Variants in PRR5L observed in about 807,000 individuals in gnomAD.
PRR5L encodes proline-rich protein 5-like.
Under a neutral mutation model 36.4 loss-of-function variants are expected in PRR5L, and 21 were observed. The ratio of observed to expected loss-of-function variants is 0.58; its 90% CI spans 0.41 to 0.83. The LOEUF is 0.83. Among genes scored for constraint, PRR5L ranks in the 40% least tolerant of loss-of-function variants. The pLI, the probability that PRR5L is intolerant of heterozygous loss-of-function variation, is 0.00. For missense variants in PRR5L, 381 were observed against 473.3 expected (o/e 0.80, Z 1.81); for synonymous variants, 188 against 197.0 (o/e 0.95, Z 0.38).
At chr11:36,435,616 G>C (rs1858589198) in intron 5 of PRR5L, among the ~76,000 whole-genome samples, 1 of 152,204 alleles carries the variant, frequency 6.6e-6, no homozygotes, top group South Asian at 2.1e-4. Flanking sequence ...GGGATGATTA[G>C]AGCCCAAAGG....
At chr11:36,305,950 T>C (rs1042858379) in intron 1 of PRR5L, among the ~76,000 whole-genome samples, 5 of 152,238 alleles carry the variant, frequency 3.3e-5, no homozygotes, top group African/African-American at 1.2e-4. Flanking sequence ...GAGGACTGAC[T>C]GAATTACATA....
At chr11:36,421,461 C>G (rs1433764083) in intron 4 of PRR5L, among the ~76,000 whole-genome samples, 1 of 152,144 alleles carries the variant, frequency 6.6e-6, no homozygotes, top group East Asian at 1.9e-4. Context: ...GGGGCGAGAA[C>G]TAGTTTTCAC....
chr11:36,397,443 C>CTTT (rs34024197), intron 1 of PRR5L, among the ~76,000 whole-genome samples: 1,009 of 35,152 alleles, frequency 0.029, 244 homozygotes, highest in African/African-American at 0.081. Flanking sequence ...CAGCCGATGC[C>CTTT]TTTTTTTTTT....
At position 36,462,538 on chromosome 11, in the gene PRR5L, C is replaced by T; in HGVS notation, c.909C>T (p.Ala303=). Residue 303 remains alanine, a synonymous_variant, in exon 9 of 9, where the codon GCC becomes GCT. Coordinates refer to ENST00000530639, the MANE Select transcript of PRR5L (RefSeq NM_001160167.2). ...CCCACTCGGACATCCAGCTGCTGGC[C>T]ATGGCCACCATGATGCACTCGGGCC... ...ANAHSDIQLL[A]MATMMHSGLG... is the part of the protein sequence containing the mutation. 1 of 1,609,334 alleles carries T rather than the reference C, an allele frequency of 6.2e-7. No homozygotes were observed. The highest frequency in any genetic ancestry group is 8.5e-7 in the Non-Finnish European group (1 of 1,177,438).
intron 8 of PRR5L, among the ~76,000 whole-genome samples, chr11:36,459,814 C>T (rs567559966): frequency 6.6e-6 from 1 of 152,302 alleles, no homozygotes; most frequent in African/African-American, 2.4e-5. Flanking sequence ...TAGGTGTACA[C>T]ACGGGAATAA....
intron 1 of PRR5L, among the ~76,000 whole-genome samples, chr11:36,297,771 T>C (rs972908629): frequency 6.6e-6 from 1 of 152,104 alleles, no homozygotes; most frequent in Admixed American, 6.5e-5. Context: ...AGTGGAGACT[T>C]TTCTCCCTCC....
At chr11:36,397,933 T>C (rs1234774799) in intron 1 of PRR5L, among the ~76,000 whole-genome samples, 1 of 151,902 alleles carries the variant, frequency 6.6e-6, no homozygotes, top group African/African-American at 2.4e-5. Flanking sequence ...GTCGCCGGGA[T>C]TAAAGGCATG....
chr11:36,363,632 G>C (rs1386680110), intron 1 of PRR5L, among the ~76,000 whole-genome samples: 1 of 152,198 alleles, frequency 6.6e-6, no homozygotes, highest in Non-Finnish European at 1.5e-5. Context: ...CCAGCTCCTA[G>C]ACCAGCAGAA....
intron 1 of PRR5L, among the ~76,000 whole-genome samples, chr11:36,306,058 T>C (rs1856428074): frequency 6.6e-6 from 1 of 152,136 alleles, no homozygotes; most frequent in Admixed American, 6.5e-5. Flanking sequence ...CATTCTTTTT[T>C]ATGGCTGAAT....
chr11:36,412,792 G>A (rs1247913651), intron 3 of PRR5L, among the ~76,000 whole-genome samples: 1 of 152,090 alleles, frequency 6.6e-6, no homozygotes, highest in African/African-American at 2.4e-5. Flanking sequence ...TAAGAGAGTG[G>A]CCCAGATCAC....
intron 5 of PRR5L, among the ~76,000 whole-genome samples, chr11:36,436,945 G>A (rs1174082123): frequency 6.6e-6 from 1 of 152,164 alleles, no homozygotes; most frequent in Non-Finnish European, 1.5e-5. Flanking sequence ...ATTGGAGGAT[G>A]GAAAGGCATA....
intron 3 of PRR5L, among the ~76,000 whole-genome samples, chr11:36,410,962 A>G (rs1161532791): frequency 6.6e-6 from 1 of 152,196 alleles, no homozygotes; most frequent in African/African-American, 2.4e-5. Context: ...GGATCTCACC[A>G]AAGGGCCAGG....
chr11:36,350,908 ATATATATATATT>A (rs1856924312), intron 1 of PRR5L, among the ~76,000 whole-genome samples: 1 of 110,118 alleles, frequency 9.1e-6, no homozygotes, highest in East Asian at 2.3e-4. Context: ...CATGGTAAAT[ATATATATATATT>A]TATATATATT....
chr11:36,378,686 A>T lies in PRR5L; in HGVS notation c.-125-22311A>T, dbSNP rs1447525062. Reference sequence around the variant, plus strand: ...AATGTTCTGTCTTAGAACATTACAAATATGTGCCACTTGTTTTAAAAAGGG... The same window carrying T: ...AATGTTCTGTCTTAGAACATTACAATTATGTGCCACTTGTTTTAAAAAGGG... On this transcript the variant is annotated intron_variant, in intron 1 of 8. Transcript: ENST00000530639. Among the ~76,000 whole-genome samples the T allele has an allele frequency of 3.3e-5, 5 of 152,308 alleles. No individual in the cohort carries two copies. In the East Asian group the frequency reaches 9.6e-4, roughly 29 times the overall value.
intron 1 of PRR5L, among the ~76,000 whole-genome samples, chr11:36,361,288 G>C (rs1857085240): frequency 6.6e-6 from 1 of 152,110 alleles, no homozygotes. Flanking sequence ...AGATATTCAA[G>C]AGATTTGCAG....
At chr11:36,411,866 T>A (rs763079476) in intron 3 of PRR5L, among the ~76,000 whole-genome samples, 41 of 152,270 alleles carry the variant, frequency 2.7e-4, no homozygotes, top group Admixed American at 1.6e-3. Context: ...GAAATGCTAG[T>A]GTGGCTATAC....
At chr11:36,416,822 T>TGGG (rs1858153962) in intron 3 of PRR5L, among the ~76,000 whole-genome samples, 5 of 40,350 alleles carry the variant, frequency 1.2e-4, no homozygotes, top group Non-Finnish European at 3.1e-4. Flanking sequence ...CCCTCCCTGA[T>TGGG]AGGAGGGGAG....
chr11:36,370,583 T>C (rs1354206163), intron 1 of PRR5L, among the ~76,000 whole-genome samples: 1 of 152,118 alleles, frequency 6.6e-6, no homozygotes, highest in Non-Finnish European at 1.5e-5. Context: ...ACTGAAATCC[T>C]TGAAAGTTAT....
intron 1 of PRR5L, among the ~76,000 whole-genome samples, chr11:36,351,218 ATATATATATT>A (rs1474637146): frequency 1.2e-4 from 11 of 91,162 alleles, no homozygotes; most frequent in African/African-American, 5.2e-4. Context: ...AAATATATAA[ATATATATATT>A]TATATATATT....
Sources: allele counts gnomAD v4.1 joint callset (sites outside exome capture counted in the v4.1 genomes callset), GRCh38; gene constraint gnomAD v4.1.1; transcripts MANE v1.5; gene names NCBI Gene and HGNC (gene_info 2026-07-23, HGNC 2026-07-21).